Variants in FAM47E observed in about 807,000 individuals in gnomAD.
FAM47E encodes the protein protein FAM47E.
A neutral mutation model predicts 41.6 loss-of-function variants in FAM47E; 32 were observed. That is an observed-to-expected ratio of 0.77 (90% CI 0.58 to 1.03). The LOEUF is 1.03. Ranked by LOEUF, FAM47E falls within the 50% of genes least tolerant of loss-of-function variation. The probability of loss-of-function intolerance (pLI) is 0.00; values close to 1 mark genes in which losing one functional copy is unlikely to be tolerated. For missense variants in FAM47E, 424 were observed against 485.4 expected, an observed-to-expected ratio of 0.87 and a Z score of 1.19; for synonymous variants, 184 against 188.7, an observed-to-expected ratio of 0.98 and a Z score of 0.20.
At chr4:76,237,117 G>A (rs551959684) in intron 2 of FAM47E, among the ~76,000 whole-genome samples, 25 of 151,806 alleles carry the variant, frequency 1.6e-4, no homozygotes, top group Admixed American at 1.3e-3. Context: ...GGATGGTCTC[G>A]ATCTCCTGAC....
At chr4:76,256,561 G>C in intron 2 of FAM47E, 38 bp downstream of exon 2, 1 of 1,492,994 alleles carries the variant, frequency 6.7e-7, no homozygotes. Flanking sequence ...GGCTTCACTG[G>C]GGCCTTGCAA....
At chr4:76,257,308 C>T (rs1376113902) in intron 2 of FAM47E, among the ~76,000 whole-genome samples, 1 of 152,012 alleles carries the variant, frequency 6.6e-6, no homozygotes, top group Non-Finnish European at 1.5e-5. Flanking sequence ...TGAGCAAAAC[C>T]CAGGTTCTAT....
At chr4:76,242,490 C>G (rs1733732250) in intron 2 of FAM47E, among the ~76,000 whole-genome samples, 1 of 152,248 alleles carries the variant, frequency 6.6e-6, no homozygotes, top group East Asian at 1.9e-4. Flanking sequence ...TATAAATTAC[C>G]CAGCCTGAAT....
intron 4 of FAM47E, chr4:76,269,710 C>T (rs1280502246): frequency 2.6e-5 from 4 of 152,052 alleles, no homozygotes; most frequent in Admixed American, 6.6e-5. Flanking sequence ...ATTGCTTGAG[C>T]CTGGGAAATC....
chr4:76,274,388 A>G (rs1735013019), intron 5 of FAM47E, among the ~76,000 whole-genome samples: 1 of 151,318 alleles, frequency 6.6e-6, no homozygotes, highest in African/African-American at 2.4e-5. Flanking sequence ...TTCGGGCAAC[A>G]TAGTGAGACC....
chr4:76,281,003 A>G (rs1477591882), intron 7 of FAM47E: 1 of 152,344 alleles, frequency 6.6e-6, no homozygotes, highest in Non-Finnish European at 1.5e-5. Context: ...AGAAGGGAAC[A>G]TGGAGCGGGA....
At chr4:76,214,041 G>A (rs1057072133) in exon 1 of FAM47E, 8 of 287,278 alleles carry the variant, frequency 2.8e-5, no homozygotes, top group Non-Finnish European at 5.5e-5. Flanking sequence ...GCCGCTCCCA[G>A]CGCCCTGCAC....
At chr4:76,248,607 T>C (rs981367637), upstream of FAM47E, among the ~76,000 whole-genome samples, 2 of 152,160 alleles carry the variant, frequency 1.3e-5, no homozygotes, top group African/African-American at 4.8e-5. Context: ...GGAGATGCAA[T>C]GGAGAAGAAA....
intron 2 of FAM47E, among the ~76,000 whole-genome samples, chr4:76,242,505 C>A (rs1357158498): frequency 6.6e-6 from 1 of 152,170 alleles, no homozygotes; most frequent in African/African-American, 2.4e-5. Context: ...CTGAATATTT[C>A]TTTAGAGCAA....
At chr4:76,247,976 G>A (rs1446602677), upstream of FAM47E, among the ~76,000 whole-genome samples, 1 of 132,702 alleles carries the variant, frequency 7.5e-6, no homozygotes, top group African/African-American at 2.8e-5. Context: ...GTGCAGTGGC[G>A]CAATCTCGGC....
At chr4:76,228,795 C>T (rs11097291) in intron 2 of FAM47E, among the ~76,000 whole-genome samples, 22,695 of 152,020 alleles carry the variant, frequency 0.15, 1,989 homozygotes, top group East Asian at 0.35. Flanking sequence ...TTTCCTTCAT[C>T]TTGATGTTAG....
rs1733147331 is a variant in FAM47E at position 76,214,063 on chromosome 4, C to T, written c.-391C>T. 9 of 346,710 alleles carry T rather than the reference C, an allele frequency of 2.6e-5. 2 individuals are homozygous for T. The Admixed American group carries it at 3.3e-4, about 13-fold the overall frequency. The allele number at this position is 346,710 out of a possible 1,614,324, so 21.5% of individuals were successfully genotyped here. A position where few individuals can be genotyped will look rare whatever the true frequency, so the allele number is the denominator to read the frequency against. The stretch of plus-strand genomic sequence containing the variant: ...CCAGCGCCCTGCACCGCAGGCCCAG[C>T]GCTCGCCCCACCGAAATTGCCGAAC... On this transcript the variant is annotated 5_prime_UTR_variant, in exon 1 of 8. Transcript: ENST00000510197.
intron 2 of FAM47E, among the ~76,000 whole-genome samples, chr4:76,225,707 T>C (rs555959125): frequency 2.2e-4 from 33 of 152,378 alleles, no homozygotes; most frequent in African/African-American, 7.9e-4. Context: ...TTGCGTAAGT[T>C]AAACCACCCC....
At chr4:76,281,806 C>T (rs1268374146) in intron 7 of FAM47E, 1 of 152,188 alleles carries the variant, frequency 6.6e-6, no homozygotes, top group Admixed American at 6.5e-5. Context: ...TGCAACGGGG[C>T]TCTCTGTTCC....
chr4:76,235,704 G>A (rs1352526927), intron 2 of FAM47E, among the ~76,000 whole-genome samples: 1 of 152,208 alleles, frequency 6.6e-6, no homozygotes, highest in African/African-American at 2.4e-5. Context: ...ACCATATGCT[G>A]CTGTTTCACA....
At chr4:76,245,311 C>G (rs1470008183) in intron 2 of FAM47E, among the ~76,000 whole-genome samples, 1 of 152,128 alleles carries the variant, frequency 6.6e-6, no homozygotes, top group Non-Finnish European at 1.5e-5. Context: ...GAGAGCCAAA[C>G]AGGGGACATA....
At chr4:76,264,545 A>G (rs1578787640) in intron 3 of FAM47E, among the ~76,000 whole-genome samples, 2 of 152,070 alleles carry the variant, frequency 1.3e-5, no homozygotes, top group Non-Finnish European at 2.9e-5. Context: ...AATAACATAA[A>G]CGCAGTGATA....
chr4:76,250,966 C>G (rs1248265213), upstream of FAM47E, among the ~76,000 whole-genome samples: 1 of 152,168 alleles, frequency 6.6e-6, no homozygotes, highest in Non-Finnish European at 1.5e-5. Flanking sequence ...TCCCCATTTT[C>G]AGGCCAGGTA....
chr4:76,235,714 A>C (rs1733575657), intron 2 of FAM47E, among the ~76,000 whole-genome samples: 1 of 152,224 alleles, frequency 6.6e-6, no homozygotes, highest in Non-Finnish European at 1.5e-5. Flanking sequence ...GCTGTTTCAC[A>C]AAGGAGACTC....
Sources: allele counts gnomAD v4.1 joint callset (sites outside exome capture counted in the v4.1 genomes callset), GRCh38; gene constraint gnomAD v4.1.1; transcripts MANE v1.5; gene names NCBI Gene and HGNC (gene_info 2026-07-23, HGNC 2026-07-21).